COL5A2: variants seen among roughly 807,000 people sequenced by gnomAD.
COL5A2 encodes the protein collagen type V alpha 2 chain, also known as collagen alpha-2(V) chain.
A neutral mutation model predicts 208.2 loss-of-function variants in COL5A2; 23 were observed. That is an observed-to-expected ratio of 0.11 (90% CI 0.08 to 0.16). The LOEUF is 0.16. Ranked by LOEUF, COL5A2 falls within the 10% of genes least tolerant of loss-of-function variation. COL5A2 has a pLI of 1.00. For missense variants in COL5A2, 1,590 were observed against 1,956.4 expected (o/e 0.81, Z 3.53); for synonymous variants, 625 against 628.5 (o/e 0.99, Z 0.08).
At chr2:189,120,929 A>G (rs1687487850) in intron 1 of COL5A2, among the ~76,000 whole-genome samples, 1 of 152,220 alleles carries the variant, frequency 6.6e-6, no homozygotes, top group Non-Finnish European at 1.5e-5. Flanking sequence ...AATATTGTTT[A>G]TTTATTCAAC....
the COL5A2 span, among the ~76,000 whole-genome samples, chr2:189,344,686 C>T: frequency 6.6e-6 from 1 of 152,154 alleles, no homozygotes; most frequent in African/African-American, 2.4e-5. Flanking sequence ...GAGCACATCC[C>T]CCTGTCTGGT....
chr2:189,435,951 G>A, the COL5A2 span, among the ~76,000 whole-genome samples: 1 of 152,096 alleles, frequency 6.6e-6, no homozygotes, highest in African/African-American at 2.4e-5. Flanking sequence ...GTGATAGACT[G>A]GATAAGAAAA....
intron 1 of COL5A2, among the ~76,000 whole-genome samples, chr2:189,158,182 C>T (rs938902372): frequency 1.3e-5 from 2 of 151,916 alleles, no homozygotes; most frequent in African/African-American, 2.4e-5. Context: ...ATAGTAATGA[C>T]TTTTATGAGT....
intron 6 of COL5A2, among the ~76,000 whole-genome samples, chr2:189,093,965 G>A (rs1489651332): frequency 6.6e-6 from 1 of 152,156 alleles, no homozygotes; most frequent in African/African-American, 2.4e-5. Context: ...CATACAAAAA[G>A]TGAACTAATG....
the COL5A2 span, among the ~76,000 whole-genome samples, chr2:189,248,951 G>C: frequency 6.6e-6 from 1 of 152,060 alleles, no homozygotes; most frequent in Non-Finnish European, 1.5e-5. Flanking sequence ...ATAAATAGGA[G>C]GTGGTTATAT....
At chr2:189,256,856 C>T in the COL5A2 span, among the ~76,000 whole-genome samples, 7 of 152,156 alleles carry the variant, frequency 4.6e-5, no homozygotes, top group Non-Finnish European at 1.0e-4. Context: ...TCTCAAACTC[C>T]TGACCTCATG....
chr2:189,325,501 T>TAC, the COL5A2 span, among the ~76,000 whole-genome samples: 1 of 147,160 alleles, frequency 6.8e-6, no homozygotes, highest in African/African-American at 2.5e-5. Context: ...CACACACACA[T>TAC]ACACACATAC....
chr2:189,357,776 A>AAAC, the COL5A2 span, among the ~76,000 whole-genome samples: 7 of 151,318 alleles, frequency 4.6e-5, no homozygotes, highest in East Asian at 3.9e-4. Flanking sequence ...AAAAAAAAAA[A>AAAC]AAAACTCCTG....
rs1201865933 is a variant in COL5A2, at chr2:189,032,974, A to G, written c.*1096T>C. ...CATAGCACCTTTCAGTATCTAAAAT[A>G]TAAACAAGAATAGTAAGTCCATCCC... On this transcript the variant is annotated 3_prime_UTR_variant, in exon 54 of 54. Transcript: ENST00000374866. 1 of 152,630 alleles carries G rather than the reference A, an allele frequency of 6.6e-6. No homozygotes were observed. The highest frequency in any genetic ancestry group is 1.5e-5 in the Non-Finnish European group (1 of 68,020). 9.5% of individuals were successfully genotyped at this position (152,630 alleles called of 1,614,324 possible). A position where few individuals can be genotyped will look rare whatever the true frequency, so the allele number is the denominator to read the frequency against.
chr2:189,321,762 G>T, the COL5A2 span, among the ~76,000 whole-genome samples: 3 of 152,168 alleles, frequency 2.0e-5, no homozygotes, highest in Non-Finnish European at 4.4e-5. Context: ...ACATTAGACA[G>T]ATCAATGAGA....
chr2:189,066,037 G>A (rs1343057966), intron 23 of COL5A2, among the ~76,000 whole-genome samples: 1 of 152,150 alleles, frequency 6.6e-6, no homozygotes, highest in Non-Finnish European at 1.5e-5. Context: ...TTTAAAGTGT[G>A]TACATATATT....
chr2:189,164,898 C>T (rs923609535), intron 1 of COL5A2, among the ~76,000 whole-genome samples: 46 of 152,198 alleles, frequency 3.0e-4, no homozygotes, highest in Admixed American at 1.8e-3. Flanking sequence ...ACTCTATCCA[C>T]GTTGAGTTAG....
chr2:189,351,280 G>C, the COL5A2 span, among the ~76,000 whole-genome samples: 2 of 152,068 alleles, frequency 1.3e-5, no homozygotes, highest in African/African-American at 2.4e-5. Context: ...TGCATTTCTA[G>C]AACATCATCC....
Position 189,033,568 on chromosome 2 carries a change from ACATTTT to A in COL5A2, c.*496_*501del. The A allele has an allele frequency of 5.9e-6, 1 of 168,866 alleles. No homozygotes were observed. The allele number at this position is 168,866 out of a possible 1,614,324, so 10.5% of individuals were successfully genotyped here. A position where few individuals can be genotyped will look rare whatever the true frequency, so the allele number is the denominator to read the frequency against. ...CATGTAGGTCTCGATCACAAGTTAA[ACATTTT>A]AAACTCATTTTTAATTGACAATCTT... On this transcript the variant is annotated 3_prime_UTR_variant, in exon 54 of 54. Coordinates refer to ENST00000374866, the MANE Select transcript of COL5A2 (RefSeq NM_000393.5).
chr2:189,179,146 G>A (rs185257712), intron 1 of COL5A2, among the ~76,000 whole-genome samples: 2 of 152,122 alleles, frequency 1.3e-5, no homozygotes, highest in Non-Finnish European at 2.9e-5. Context: ...ACTTTTCCTT[G>A]CTCTGAAAAC....
chr2:189,409,923 A>G, the COL5A2 span, among the ~76,000 whole-genome samples: 1 of 152,192 alleles, frequency 6.6e-6, no homozygotes, highest in Non-Finnish European at 1.5e-5. Flanking sequence ...TTATAATTAT[A>G]ATTCAGGCTG....
At chr2:189,264,576 A>G in the COL5A2 span, among the ~76,000 whole-genome samples, 1 of 152,172 alleles carries the variant, frequency 6.6e-6, no homozygotes, top group Non-Finnish European at 1.5e-5. Flanking sequence ...GTTACAGTAA[A>G]TCAGAATGGT....
At chr2:189,308,529 G>C in the COL5A2 span, among the ~76,000 whole-genome samples, 2 of 152,068 alleles carry the variant, frequency 1.3e-5, no homozygotes, top group African/African-American at 4.8e-5. Context: ...TTCCTGTCTA[G>C]GCCTTTTCCT....
intron 1 of COL5A2, among the ~76,000 whole-genome samples, chr2:189,147,459 G>T (rs554287640): frequency 6.6e-6 from 1 of 152,202 alleles, no homozygotes; most frequent in Non-Finnish European, 1.5e-5. Context: ...ACAAAGGAGA[G>T]AATAACTATC....
Sources: gnomAD v4.1 joint callset for allele counts (sites outside exome capture counted in the v4.1 genomes callset) on GRCh38, gnomAD v4.1.1 for gene constraint, MANE v1.5 for transcripts, NCBI Gene and HGNC (gene_info 2026-07-23, HGNC 2026-07-21) for gene names.